The following TMLHE variants were observed in gnomAD, a reference collection of about 807,000 sequenced individuals.
TMLHE encodes the protein trimethyllysine hydroxylase, epsilon.
TMLHE carries 18 observed loss-of-function variants against 25.7 expected under a neutral mutation model. The ratio of observed to expected loss-of-function variants is 0.70; its 90% CI spans 0.48 to 1.04. The LOEUF (loss-of-function observed/expected upper bound fraction) is 1.04, where lower values mean the gene tolerates loss of function less well. TMLHE is among the 50% of genes least tolerant of loss of function. TMLHE has a pLI of 0.00. For missense variants in TMLHE, 236 were observed against 259.0 expected (o/e 0.91, Z 0.61); for synonymous variants, 105 against 97.0 (o/e 1.08, Z -0.49).
intron 1 of TMLHE, among the ~76,000 whole-genome samples, chrX:155,547,299 C>G (rs1385183987): frequency 2.1e-5 from 2 of 96,695 alleles, no homozygotes; most frequent in Admixed American, 1.1e-4. Flanking sequence ...CACCTGCCAC[C>G]ACGCCCGGCT....
At chrX:155,547,725 A>G (rs1412888857) in intron 1 of TMLHE, among the ~76,000 whole-genome samples, 3 of 110,788 alleles carry the variant, frequency 2.7e-5, no homozygotes, top group East Asian at 2.8e-4. Flanking sequence ...GTAAAAAAAA[A>G]AAAAGATGGG....
At chrX:155,609,644 T>A (rs2067807894) in intron 1 of TMLHE, among the ~76,000 whole-genome samples, 1 of 112,223 alleles carries the variant, frequency 8.9e-6, no homozygotes, top group Non-Finnish European at 1.9e-5. Context: ...ACATATCTGA[T>A]AAAGGACTTG....
chrX:155,580,894 C>T (rs1308117023), intron 1 of TMLHE, among the ~76,000 whole-genome samples: 5 of 111,965 alleles, frequency 4.5e-5, no homozygotes, highest in Non-Finnish European at 9.4e-5. Flanking sequence ...AGACCAATAT[C>T]CCTAATGAAC....
At position 155,550,137 on chromosome X, in the gene TMLHE, G is replaced by A. The variant is rs146437731; in HGVS notation, c.-1-4860C>T. ...CCAGTCTCAAATTGATGGGCATTTC[G>A]GTTGTTTCCAAGTCTTTGCTATTGT... On this transcript the variant is annotated intron_variant, in intron 1 of 7. Transcript: ENST00000334398. Among the ~76,000 whole-genome samples, 380 of 110,548 alleles carry A rather than the reference G, an allele frequency of 3.4e-3. 14 individuals carry two copies. The highest frequency in any genetic ancestry group is 0.012 in the African/African-American group (354 of 29,923).
intron 2 of TMLHE, among the ~76,000 whole-genome samples, chrX:155,530,316 T>C (rs908779484): frequency 1.8e-5 from 2 of 110,464 alleles, no homozygotes; most frequent in Non-Finnish European, 1.9e-5. Flanking sequence ...ATAAACCAGA[T>C]ACAGAAAAAA....
intron 1 of TMLHE, among the ~76,000 whole-genome samples, chrX:155,585,924 A>G (rs2067661095): frequency 8.9e-6 from 1 of 111,760 alleles, no homozygotes; most frequent in African/African-American, 3.3e-5. Flanking sequence ...TAGAAACTGT[A>G]AAAATCCATC....
intron 6 of TMLHE, among the ~76,000 whole-genome samples, chrX:155,506,640 T>C (rs782030424): frequency 9.0e-6 from 1 of 111,438 alleles, no homozygotes; most frequent in Non-Finnish European, 1.9e-5. Flanking sequence ...CTCTTTTTCA[T>C]TTAATAATGT....
chrX:155,594,573 CATATAGAA>C (rs1557346329), intron 1 of TMLHE, among the ~76,000 whole-genome samples: 3 of 111,574 alleles, frequency 2.7e-5, no homozygotes, highest in Non-Finnish European at 5.7e-5. Flanking sequence ...AATACAGTTA[CATATAGAA>C]TAGGAGTATA....
intron 1 of TMLHE, among the ~76,000 whole-genome samples, chrX:155,589,098 AATAG>A (rs2067680881): frequency 8.9e-6 from 1 of 112,160 alleles, no homozygotes; most frequent in Non-Finnish European, 1.9e-5. Flanking sequence ...TCTATTGAAG[AATAG>A]ATAAAGAAAA....
intron 1 of TMLHE, among the ~76,000 whole-genome samples, chrX:155,558,543 T>C (rs1414824460): frequency 8.9e-6 from 1 of 111,778 alleles, no homozygotes; most frequent in Non-Finnish European, 1.9e-5. Context: ...CCATAAATGT[T>C]TGTGAAAATT....
intron 1 of TMLHE, among the ~76,000 whole-genome samples, chrX:155,556,284 A>G (rs1234910886): frequency 1.8e-5 from 2 of 111,813 alleles, no homozygotes; most frequent in Non-Finnish European, 3.8e-5. Context: ...AGCCTTTAAT[A>G]CTGTGACCAG....
At chrX:155,521,918 G>C (rs1557335803) in intron 3 of TMLHE, among the ~76,000 whole-genome samples, 1 of 95,402 alleles carries the variant, frequency 1.0e-5, no homozygotes, top group African/African-American at 3.9e-5. Flanking sequence ...TGCGCCCACT[G>C]TCTGGCACTC....
intron 2 of TMLHE, among the ~76,000 whole-genome samples, chrX:155,533,412 T>C (rs2067261174): frequency 9.0e-6 from 1 of 111,118 alleles, no homozygotes; most frequent in South Asian, 3.7e-4. Flanking sequence ...TATATCCCCC[T>C]ATTGGTTCTG....
chrX:155,512,305 T>C (rs1214913252), intron 4 of TMLHE, among the ~76,000 whole-genome samples: 4 of 105,307 alleles, frequency 3.8e-5, no homozygotes, highest in South Asian at 8.2e-4. Context: ...CTCCCAATGC[T>C]ATCCCTCCCC....
rs782343831 is a variant in TMLHE, at chrX:155,516,010, C to CTTTTT, written c.359-1746_359-1745insAAAAA. Among the ~76,000 whole-genome samples the CTTTTT allele has an allele frequency of 1.1e-3, 71 of 66,947 alleles. 3 individuals are homozygous for CTTTTT. Among genetic ancestry groups the CTTTTT allele is most frequent in the Admixed American group, 1.4e-3 (7 of 5,010 alleles). 58.1% of individuals were successfully genotyped at this position (66,947 alleles called of 115,157 possible). A position where few individuals can be genotyped will look rare whatever the true frequency, so the allele number is the denominator to read the frequency against. ...TTTCTATTGGAACAATTGTACTTTT[C>CTTTTT]TTCTTTTTTTTTTTTTTTTATTATA... On this transcript the variant is annotated intron_variant, in intron 3 of 7. Coordinates refer to ENST00000334398, the MANE Select transcript of TMLHE (RefSeq NM_018196.4).
intron 2 of TMLHE, among the ~76,000 whole-genome samples, chrX:155,542,950 G>A (rs1310536419): frequency 9.0e-6 from 1 of 111,094 alleles, no homozygotes; most frequent in Non-Finnish European, 1.9e-5. Flanking sequence ...GTGTGTGTGT[G>A]TGTGTTTATT....
intron 1 of TMLHE, among the ~76,000 whole-genome samples, chrX:155,578,581 G>C (rs1402140019): frequency 8.9e-6 from 1 of 112,046 alleles, no homozygotes; most frequent in South Asian, 3.8e-4. Context: ...CAACCACATA[G>C]GTTGTAGGAG....
In TMLHE at chrX:155,563,939, A is replaced by G. The variant is rs2067504658; in HGVS notation, c.-1-18662T>C. On this transcript the variant is annotated intron_variant, in intron 1 of 7. Transcript: ENST00000334398. ...TGCCTTATTACAAGAAAATGTTCCA[A>G]TGAGAGCAGGGTCTATGCCATTTTC... 3.2e-5 allele frequency among the ~76,000 whole-genome samples: 2 copies of G among 61,923 alleles called. 1 individual carries two copies. Among genetic ancestry groups the G allele is most frequent in the African/African-American group, 7.2e-5 (2 of 27,902 alleles). 53.8% of individuals were successfully genotyped at this position (61,923 alleles called of 115,157 possible). A position where few individuals can be genotyped will look rare whatever the true frequency, so the allele number is the denominator to read the frequency against.
chrX:155,556,252 G>A lies in TMLHE; in HGVS notation c.-1-10975C>T, dbSNP rs781881398. Among the ~76,000 whole-genome samples, 3 of 24,141 alleles carry A rather than the reference G, an allele frequency of 1.2e-4. No individual in the cohort carries two copies. The South Asian group carries it at 5.8e-3, about 47-fold the overall frequency. The allele number at this position is 24,141 out of a possible 115,157, so 21.0% of individuals were successfully genotyped here. ...ATTCAGCCAACCAGAAAGGAATGTA[G>A]CCTGGCCAACATTGTGATTTCAGCC... is the stretch of plus-strand genomic sequence containing the variant. On this transcript the variant is annotated intron_variant, in intron 1 of 7. Coordinates refer to ENST00000334398, the MANE Select transcript of TMLHE (RefSeq NM_018196.4).
Sources: gnomAD v4.1 joint callset for allele counts (sites outside exome capture counted in the v4.1 genomes callset) on GRCh38, gnomAD v4.1.1 for gene constraint, MANE v1.5 for transcripts, NCBI Gene and HGNC (gene_info 2026-07-23, HGNC 2026-07-21) for gene names.